ITGBL1: variants seen among roughly 807,000 people sequenced by gnomAD.
The protein encoded by ITGBL1 is integrin beta-like protein 1.
ITGBL1 carries 51 observed loss-of-function variants against 68.5 expected under a neutral mutation model. The observed-to-expected ratio is 0.74, with a 90% CI of 0.59 to 0.94. ITGBL1 has a LOEUF of 0.94. Among genes scored for constraint, ITGBL1 ranks in the 40% least tolerant of loss-of-function variants. The pLI is 0.00. For synonymous variants in ITGBL1, 209 were observed against 227.3 expected (o/e 0.92, Z 0.72); for missense variants, 649 against 647.4 (o/e 1.00, Z -0.03).
Position 101,476,587 on chromosome 13 carries a change from G to T in ITGBL1, c.316+22487G>T, listed in dbSNP as rs529998958. On this transcript the variant is annotated intron_variant, in intron 2 of 10. Transcript: ENST00000376180. ...CTAAACAAAACAAATGAGACCCAAT[G>T]AACATTTGCCCACAACTAACACACT... Among the ~76,000 whole-genome samples the T allele has an allele frequency of 1.1e-3, 172 of 152,046 alleles. 1 individual carries two copies. The highest frequency in any genetic ancestry group is 4.0e-3 in the African/African-American group (165 of 41,506).
At chr13:101,617,956 A>AT (rs1480808549) in intron 7 of ITGBL1, among the ~76,000 whole-genome samples, 9 of 152,166 alleles carry the variant, frequency 5.9e-5, no homozygotes, top group African/African-American at 1.9e-4. Context: ...GCTTAGAACA[A>AT]TTTTTTTCAC....
chr13:101,676,443 G>T (rs897376672), intron 7 of ITGBL1, among the ~76,000 whole-genome samples: 1 of 152,146 alleles, frequency 6.6e-6, no homozygotes, highest in African/African-American at 2.4e-5. Context: ...CTTCTTGAAG[G>T]TTGCTGTGTT....
chr13:101,614,701 A>C (rs2139374061), intron 7 of ITGBL1, among the ~76,000 whole-genome samples: 1 of 152,256 alleles, frequency 6.6e-6, no homozygotes, highest in African/African-American at 2.4e-5. Context: ...AGTGAGGCGC[A>C]TGCTCAGGGG....
chr13:101,513,468 A>G (rs1311409917), intron 2 of ITGBL1, among the ~76,000 whole-genome samples: 6 of 152,256 alleles, frequency 3.9e-5, no homozygotes, highest in South Asian at 4.1e-4. Flanking sequence ...TAAGAAAATT[A>G]TTACATGGTG....
chr13:101,547,691 A>G (rs2049850054), intron 2 of ITGBL1, among the ~76,000 whole-genome samples: 1 of 151,822 alleles, frequency 6.6e-6, no homozygotes, highest in Non-Finnish European at 1.5e-5. Context: ...GTACATTTTT[A>G]AATAACTAAA....
chr13:101,579,465 CA>C (rs771193041), intron 5 of ITGBL1, 38 bp downstream of exon 5: 56 of 1,596,638 alleles, frequency 3.5e-5, no homozygotes, highest in Non-Finnish European at 4.5e-5. Flanking sequence ...AATGGGGAGG[CA>C]AACAAAGCTT....
downstream of ITGBL1, chr13:101,718,461 T>C (rs1281623952): frequency 6.6e-6 from 1 of 152,102 alleles, no homozygotes; most frequent in East Asian, 1.9e-4. Flanking sequence ...GCAAATCTCA[T>C]TGGCTCATTC....
intron 6 of ITGBL1, 120 bp downstream of exon 6, chr13:101,583,476 G>T (rs548272518): frequency 4.4e-6 from 3 of 684,300 alleles, no homozygotes; most frequent in Admixed American, 3.0e-5. Flanking sequence ...AGCACAATAG[G>T]GTGACTATAG....
chr13:101,577,491 T>G (rs2050382451), intron 4 of ITGBL1, among the ~76,000 whole-genome samples: 1 of 152,202 alleles, frequency 6.6e-6, no homozygotes, highest in South Asian at 2.1e-4. Flanking sequence ...TTTTGCTTCC[T>G]TATTTACCTC....
At chr13:101,463,511 A>G (rs1374229263) in intron 2 of ITGBL1, among the ~76,000 whole-genome samples, 1 of 152,188 alleles carries the variant, frequency 6.6e-6, no homozygotes, top group African/African-American at 2.4e-5. Context: ...GGAATGCTCC[A>G]GAACCCTACC....
At chr13:101,526,078 A>C (rs150222254) in intron 2 of ITGBL1, among the ~76,000 whole-genome samples, 1 of 151,962 alleles carries the variant, frequency 6.6e-6, no homozygotes, top group Non-Finnish European at 1.5e-5. Flanking sequence ...TCTGCCTTCA[A>C]ATACAAACAT....
chr13:101,632,129 TTCTCTC>T (rs71125012), intron 7 of ITGBL1, among the ~76,000 whole-genome samples: 3,890 of 150,586 alleles, frequency 0.026, 73 homozygotes, highest in East Asian at 0.13. Flanking sequence ...GGATAAAATA[TTCTCTC>T]TCTCTCTCTC....
At chr13:101,522,245 C>G (rs1317274327) in intron 2 of ITGBL1, among the ~76,000 whole-genome samples, 1 of 152,006 alleles carries the variant, frequency 6.6e-6, no homozygotes, top group Admixed American at 6.6e-5. Context: ...CAATTTGGCT[C>G]ATAATAGTAT....
chr13:101,454,979 C>A (rs1472074854), intron 2 of ITGBL1, among the ~76,000 whole-genome samples: 1 of 152,096 alleles, frequency 6.6e-6, no homozygotes, highest in Non-Finnish European at 1.5e-5. Flanking sequence ...CAAAAAATTC[C>A]TTCCCAGAGA....
At chr13:101,641,577 TATG>T (rs1276767086) in intron 7 of ITGBL1, among the ~76,000 whole-genome samples, 1 of 151,274 alleles carries the variant, frequency 6.6e-6, no homozygotes, top group African/African-American at 2.4e-5. Flanking sequence ...CTTTTTTTAT[TATG>T]CTTTAAGTTT....
At chr13:101,593,494 C>T (rs1042006321) in intron 6 of ITGBL1, among the ~76,000 whole-genome samples, 7 of 151,682 alleles carry the variant, frequency 4.6e-5, no homozygotes, top group Non-Finnish European at 1.0e-4. Context: ...GCACTATTTA[C>T]AGTAGTCAAG....
chr13:101,609,869 A>G (rs986737492), intron 7 of ITGBL1, among the ~76,000 whole-genome samples: 3 of 152,170 alleles, frequency 2.0e-5, no homozygotes, highest in Non-Finnish European at 4.4e-5. Context: ...ATCTATGGCA[A>G]CAGAACAGTT....
At chr13:101,719,371 A>T (rs536614844), downstream of ITGBL1, 9 of 152,082 alleles carry the variant, frequency 5.9e-5, no homozygotes, top group Non-Finnish European at 1.3e-4. Context: ...CTTTGGACCC[A>T]TCGTGGATCT....
chr13:101,456,506 A>G (rs528385135), intron 2 of ITGBL1, among the ~76,000 whole-genome samples: 8 of 152,328 alleles, frequency 5.3e-5, no homozygotes, highest in South Asian at 2.1e-4. Context: ...TTTCACCTCC[A>G]TGAAAGTTCC....
Sources: gnomAD v4.1 joint callset for allele counts (sites outside exome capture counted in the v4.1 genomes callset) on GRCh38, gnomAD v4.1.1 for gene constraint, MANE v1.5 for transcripts, NCBI Gene and HGNC (gene_info 2026-07-23, HGNC 2026-07-21) for gene names.